LRRC4C: variants seen among roughly 807,000 people sequenced by gnomAD.
LRRC4C encodes leucine rich repeat containing 4C.
A neutral mutation model predicts 33.6 loss-of-function variants in LRRC4C; 5 were observed. The ratio of observed to expected loss-of-function variants is 0.15; its 90% CI spans 0.08 to 0.31. The LOEUF (loss-of-function observed/expected upper bound fraction) is 0.31. Among genes scored for constraint, LRRC4C ranks in the 10% least tolerant of loss-of-function variants. The probability of loss-of-function intolerance (pLI) is 1.00; values close to 1 mark genes in which losing one functional copy is unlikely to be tolerated. For synonymous variants in LRRC4C, 329 were observed against 302.0 expected (o/e 1.09, Z -0.93); for missense variants, 560 against 796.7 (o/e 0.70, Z 3.58).
At chr11:41,080,798 G>A (rs948816738) in intron 1 of LRRC4C, among the ~76,000 whole-genome samples, 1 of 152,050 alleles carries the variant, frequency 6.6e-6, no homozygotes. Context: ...CCATTTAGAG[G>A]GAGAATTACC....
At chr11:40,812,500 C>T (rs965258584) in intron 2 of LRRC4C, among the ~76,000 whole-genome samples, 7 of 152,136 alleles carry the variant, frequency 4.6e-5, no homozygotes, top group Admixed American at 3.3e-4. Context: ...GTAACCATTG[C>T]TTTTGGTTCT....
At position 40,517,222 on chromosome 11, in the gene LRRC4C, C is replaced by T. The variant is rs116361147; in HGVS notation, c.-270+130920G>A. ...AATATGCTAATGTGTATGTGAAATA[C>T]GGAATAACATAATACTATAATTCCC... is the stretch of plus-strand genomic sequence containing the variant. On this transcript the variant is annotated intron_variant, in intron 3 of 6. Coordinates refer to ENST00000528697, the MANE Select transcript of LRRC4C (RefSeq NM_001258419.2). 3.9e-3 allele frequency among the ~76,000 whole-genome samples: 590 copies of T among 152,208 alleles called. 6 individuals carry two copies. Among genetic ancestry groups the T allele is most frequent in the African/African-American group, 0.013 (551 of 41,540 alleles).
At chr11:41,419,436 T>A (rs1239841329) in intron 1 of LRRC4C, among the ~76,000 whole-genome samples, 1 of 151,812 alleles carries the variant, frequency 6.6e-6, no homozygotes, top group African/African-American at 2.4e-5. Context: ...CAATGGAAGC[T>A]GGAAGTAGAA....
intron 1 of LRRC4C, among the ~76,000 whole-genome samples, chr11:41,099,789 G>A (rs1730821699): frequency 6.6e-6 from 1 of 152,052 alleles, no homozygotes; most frequent in South Asian, 2.1e-4. Context: ...AAGACAGAAT[G>A]CCCTCTCTCA....
chr11:40,412,616 T>C (rs1429765311), intron 3 of LRRC4C, among the ~76,000 whole-genome samples: 1 of 152,134 alleles, frequency 6.6e-6, no homozygotes, highest in East Asian at 1.9e-4. Context: ...ACTGAAGTGC[T>C]TGACTTGGCC....
In LRRC4C at chr11:40,984,336, AAG is replaced by A. The variant is rs1325934558; in HGVS notation, c.-495-50615_-495-50614del. On this transcript the variant is annotated intron_variant, in intron 1 of 6. Coordinates refer to ENST00000528697, the MANE Select transcript of LRRC4C (RefSeq NM_001258419.2). ...GAAAGAAAAAGAAAAGAAAGAAAGA[AAG>A]AAAGTAGGAAAGAGAAAGAAAGAAA... Among the ~76,000 whole-genome samples, 3 of 147,762 alleles carry A rather than the reference AAG, an allele frequency of 2.0e-5. No individual in the cohort carries two copies. In the East Asian group the frequency reaches 6.1e-4, roughly 30 times the overall value.
At chr11:41,188,858 G>A (rs1945816597) in intron 1 of LRRC4C, among the ~76,000 whole-genome samples, 1 of 150,842 alleles carries the variant, frequency 6.6e-6, no homozygotes, top group Non-Finnish European at 1.5e-5. Context: ...ATGCTTTCAT[G>A]AGAATTGTAA....
chr11:40,588,813 C>G (rs1325608065), intron 3 of LRRC4C, among the ~76,000 whole-genome samples: 2 of 152,112 alleles, frequency 1.3e-5, no homozygotes, highest in Non-Finnish European at 2.9e-5. Flanking sequence ...ATTCTGAGTT[C>G]TAGTTTGATT....
chr11:40,487,306 T>G (rs1953913582), intron 3 of LRRC4C, among the ~76,000 whole-genome samples: 1 of 152,210 alleles, frequency 6.6e-6, no homozygotes, highest in South Asian at 2.1e-4. Flanking sequence ...TTATAAAGAA[T>G]TTTCCTCTTC....
At chr11:40,999,310 T>C (rs1854199042) in intron 1 of LRRC4C, among the ~76,000 whole-genome samples, 1 of 152,164 alleles carries the variant, frequency 6.6e-6, no homozygotes, top group East Asian at 1.9e-4. Flanking sequence ...CACACTTAAA[T>C]TGAGATGGAA....
At chr11:40,134,580 T>C (rs747885121) in intron 6 of LRRC4C, among the ~76,000 whole-genome samples, 29 of 152,190 alleles carry the variant, frequency 1.9e-4, no homozygotes, top group African/African-American at 6.5e-4. Flanking sequence ...TGCAGTGGTA[T>C]GGAATATGAA....
chr11:40,892,061 T>A (rs1389816268), intron 2 of LRRC4C, among the ~76,000 whole-genome samples: 1 of 143,328 alleles, frequency 7.0e-6, no homozygotes, highest in Admixed American at 7.5e-5. Flanking sequence ...CTTGAACCCG[T>A]GAGGCGGAGC....
intron 3 of LRRC4C, among the ~76,000 whole-genome samples, chr11:40,513,957 C>T (rs374340496): frequency 6.6e-6 from 1 of 152,284 alleles, no homozygotes; most frequent in East Asian, 1.9e-4. Flanking sequence ...AACTGTCTCA[C>T]CTTAAACTCT....
intron 3 of LRRC4C, among the ~76,000 whole-genome samples, chr11:40,642,212 TGTAAAGA>T (rs1942168181): frequency 1.3e-5 from 2 of 151,928 alleles, no homozygotes; most frequent in African/African-American, 4.8e-5. Context: ...CAAGTATATG[TGTAAAGA>T]ATGATGTTTG....
At chr11:41,299,279 G>T (rs906800771) in intron 1 of LRRC4C, among the ~76,000 whole-genome samples, 2 of 152,082 alleles carry the variant, frequency 1.3e-5, no homozygotes, top group Non-Finnish European at 2.9e-5. Flanking sequence ...GCCGCCAACA[G>T]ATTAGGAGAA....
chr11:40,877,694 TTC>T (rs1267474320), intron 2 of LRRC4C, among the ~76,000 whole-genome samples: 3 of 152,162 alleles, frequency 2.0e-5, no homozygotes, highest in African/African-American at 7.2e-5. Context: ...AAGAATGATG[TTC>T]TCAGTGCAGA....
chr11:40,504,187 G>T (rs1042983943), intron 3 of LRRC4C, among the ~76,000 whole-genome samples: 1 of 151,588 alleles, frequency 6.6e-6, no homozygotes, highest in Non-Finnish European at 1.5e-5. Flanking sequence ...TTATCATCTG[G>T]CATTTTGTAA....
At chr11:40,917,462 G>A (rs1279022243) in intron 2 of LRRC4C, among the ~76,000 whole-genome samples, 2 of 152,038 alleles carry the variant, frequency 1.3e-5, no homozygotes, top group Admixed American at 6.6e-5. Flanking sequence ...GATGTAAATG[G>A]CCTCTAAAGT....
At chr11:40,553,732 T>G (rs1957219577) in intron 3 of LRRC4C, among the ~76,000 whole-genome samples, 1 of 152,210 alleles carries the variant, frequency 6.6e-6, no homozygotes, top group African/African-American at 2.4e-5. Flanking sequence ...CTTGTATATA[T>G]TCTTTTAAGT....
Sources: gnomAD v4.1 joint callset for allele counts (sites outside exome capture counted in the v4.1 genomes callset) on GRCh38, gnomAD v4.1.1 for gene constraint, MANE v1.5 for transcripts, NCBI Gene and HGNC (gene_info 2026-07-23, HGNC 2026-07-21) for gene names.